The following SLC25A28 variants were observed in gnomAD, a reference collection of about 807,000 sequenced individuals.
The protein encoded by SLC25A28 is solute carrier family 25 member 28, also known as mitoferrin-2.
In SLC25A28, 10 loss-of-function variants were observed where a neutral mutation model predicts 31.9. That is an observed-to-expected ratio of 0.31 (90% CI 0.19 to 0.53). The LOEUF (loss-of-function observed/expected upper bound fraction) is 0.53, where lower values mean the gene tolerates loss of function less well. SLC25A28 is among the 20% of genes least tolerant of loss of function. The pLI is 0.95. For synonymous variants in SLC25A28, 208 were observed against 203.6 expected (o/e 1.02, Z -0.19); for missense variants, 256 against 490.3 (o/e 0.52, Z 4.51).
chr10:99,651,646 A>T, the SLC25A28 span, among the ~76,000 whole-genome samples: 4 of 139,362 alleles, frequency 2.9e-5, no homozygotes, highest in African/African-American at 1.1e-4. Context: ...GCTGGAGTGC[A>T]GTGGCACATT....
the SLC25A28 span, among the ~76,000 whole-genome samples, chr10:99,645,740 G>A: frequency 2.0e-5 from 3 of 151,974 alleles, no homozygotes; most frequent in Admixed American, 6.6e-5. Context: ...TGGGGTTTTG[G>A]TGTGGATGTC....
At chr10:99,639,428 C>T in the SLC25A28 span, among the ~76,000 whole-genome samples, 5 of 151,822 alleles carry the variant, frequency 3.3e-5, no homozygotes, top group Non-Finnish European at 5.9e-5. Context: ...TCACAGATCA[C>T]CACAAAAGAA....
chr10:99,658,171 C>T, the SLC25A28 span, among the ~76,000 whole-genome samples: 2 of 152,286 alleles, frequency 1.3e-5, no homozygotes, highest in East Asian at 1.9e-4. Context: ...TGGATGACAA[C>T]AGAGTGAGAC....
At position 99,620,030 on chromosome 10, in the gene SLC25A28, G is replaced by C; in HGVS notation, c.291+15C>G. On this transcript the variant is annotated intron_variant, in intron 1 of 3. Coordinates refer to ENST00000370495, the MANE Select transcript of SLC25A28 (RefSeq NM_031212.4). ...TCAGCCCCAGGTCGGGTTCGAAGCC[G>C]GGTGCAGGTCTCACCTTGACGCAGT... 6.4e-7 allele frequency: 1 copy of C among 1,565,452 alleles called. No homozygotes were observed. Among genetic ancestry groups the C allele is most frequent in the Non-Finnish European group, 8.6e-7 (1 of 1,162,146 alleles).
At chr10:99,630,262 G>T in the SLC25A28 span, among the ~76,000 whole-genome samples, 1 of 152,018 alleles carries the variant, frequency 6.6e-6, no homozygotes, top group Non-Finnish European at 1.5e-5. Context: ...CTGAGTAGCT[G>T]GGATTAACGA....
At chr10:99,651,608 T>TTTTC in the SLC25A28 span, among the ~76,000 whole-genome samples, 1 of 148,522 alleles carries the variant, frequency 6.7e-6, no homozygotes, top group Admixed American at 6.7e-5. Flanking sequence ...TTTTTTTTTT[T>TTTTC]GAGGTAGGGT....
At position 99,614,008 on chromosome 10, in the gene SLC25A28, G is replaced by A. The variant is rs143249837; in HGVS notation, c.292-84C>T. The A allele has an allele frequency of 6.5e-5, 93 of 1,432,698 alleles. No homozygotes were observed. In the Middle Eastern group the frequency reaches 1.1e-3, roughly 17 times the overall value. 88.7% of individuals were successfully genotyped at this position (1,432,698 alleles called of 1,614,324 possible). A position where few individuals can be genotyped will look rare whatever the true frequency, so the allele number is the denominator to read the frequency against. ...AACACACTGGGCAGACCTTCTACATGGAGCTGTGCCAATCTGTGAGAGGGA... is the reference window on the plus strand; with the variant it reads ...AACACACTGGGCAGACCTTCTACATAGAGCTGTGCCAATCTGTGAGAGGGA... On this transcript the variant is annotated intron_variant, in intron 1 of 3. Coordinates refer to ENST00000370495, the MANE Select transcript of SLC25A28 (RefSeq NM_031212.4).
the SLC25A28 span, among the ~76,000 whole-genome samples, chr10:99,638,819 C>T: frequency 1.3e-5 from 2 of 152,148 alleles, no homozygotes; most frequent in African/African-American, 4.8e-5. Context: ...GATCAGGGAA[C>T]ACTTCTACAC....
At chr10:99,625,948 A>G in the SLC25A28 span, among the ~76,000 whole-genome samples, 7 of 152,248 alleles carry the variant, frequency 4.6e-5, no homozygotes, top group African/African-American at 1.7e-4. Flanking sequence ...GTGCTCAGAC[A>G]TGAGAAAGCT....
At chr10:99,651,846 G>A in the SLC25A28 span, 1 of 151,984 alleles carries the variant, frequency 6.6e-6, no homozygotes, top group Non-Finnish European at 1.5e-5. Context: ...GCCTCCCAAA[G>A]AGCTGAGATT....
the SLC25A28 span, among the ~76,000 whole-genome samples, chr10:99,639,923 T>A: frequency 1.3e-5 from 2 of 152,048 alleles, no homozygotes; most frequent in Non-Finnish European, 2.9e-5. Flanking sequence ...CCCAGCAGTA[T>A]GTTAAGGGAC....
In SLC25A28 at chr10:99,620,357, C is replaced by CCCACCCCCGCCGCCGCTG. The variant is rs2034760359; in HGVS notation, c.-40_-23dup. The stretch of plus-strand genomic sequence containing the variant: ...CCATCCACCCGGGCCAGCTGCGGCG[C>CCCACCCCCGCCGCCGCTG]CCACCCCCGCCGCCGCTGCCACCAC... On this transcript the variant is annotated 5_prime_UTR_variant, in exon 1 of 4. Transcript: ENST00000370495. 1 of 1,077,436 alleles carries CCCACCCCCGCCGCCGCTG rather than the reference C, an allele frequency of 9.3e-7. No individual in the cohort carries two copies. The highest frequency in any genetic ancestry group is 1.1e-6 in the Non-Finnish European group (1 of 891,078). The allele number at this position is 1,077,436 out of a possible 1,614,324, so 66.7% of individuals were successfully genotyped here.
chr10:99,644,872 G>C, the SLC25A28 span, among the ~76,000 whole-genome samples: 1 of 152,176 alleles, frequency 6.6e-6, no homozygotes, highest in Non-Finnish European at 1.5e-5. Context: ...TAAGAATGTT[G>C]AATATTGGCC....
In SLC25A28 at chr10:99,613,664, A is replaced by G. The variant is rs1565019585; in HGVS notation, c.520+32T>C. ...GCAGCAAAGCCCAAAGAGTTGGGAA[A>G]GTGGGGGAACCAGCACAGGAAGGCT... On this transcript the variant is annotated intron_variant, in intron 2 of 3. Coordinates refer to ENST00000370495, the MANE Select transcript of SLC25A28 (RefSeq NM_031212.4). This position sits in a 1 kb window ranked among gnomAD's most constrained non-coding sequence, Gnocchi z 4.9. 2 of 1,614,138 alleles carry G rather than the reference A, an allele frequency of 1.2e-6. No individual in the cohort carries two copies.
At chr10:99,626,862 C>T in the SLC25A28 span, among the ~76,000 whole-genome samples, 2 of 151,838 alleles carry the variant, frequency 1.3e-5, no homozygotes, top group Non-Finnish European at 2.9e-5. Flanking sequence ...ACCGTTAGTC[C>T]TTCTTCCCCA....
chr10:99,622,457 C>T (rs2034813989), upstream of SLC25A28, among the ~76,000 whole-genome samples: 1 of 152,202 alleles, frequency 6.6e-6, no homozygotes, highest in African/African-American at 2.4e-5. Context: ...AGTACTAATT[C>T]CCTTTACTGC....
chr10:99,639,208 AT>A, the SLC25A28 span, among the ~76,000 whole-genome samples: 1 of 152,054 alleles, frequency 6.6e-6, no homozygotes, highest in Non-Finnish European at 1.5e-5. Flanking sequence ...ATTGGAGACC[AT>A]TATTCTAAGT....
chr10:99,611,478 A>G lies in SLC25A28; in HGVS notation c.578-112T>C, dbSNP rs895555847. ...GATCAGCCAATGGAATAGAGAGAGAAAAAAGTATGAGTGAGCTGCTGGCTA... is the reference window on the plus strand; with the variant it reads ...GATCAGCCAATGGAATAGAGAGAGAGAAAAGTATGAGTGAGCTGCTGGCTA... On this transcript the variant is annotated intron_variant, in intron 3 of 3. Coordinates refer to ENST00000370495, the MANE Select transcript of SLC25A28 (RefSeq NM_031212.4). The surrounding 1 kb of genome is among the most constrained non-coding windows in gnomAD (Gnocchi z 5.5). The G allele has an allele frequency of 7.4e-7, 1 of 1,351,624 alleles. No individual in the cohort carries two copies. Among genetic ancestry groups the G allele is most frequent in the Non-Finnish European group, 1.0e-6 (1 of 991,482 alleles). The allele number at this position is 1,351,624 out of a possible 1,614,324, so 83.7% of individuals were successfully genotyped here.
the SLC25A28 span, among the ~76,000 whole-genome samples, chr10:99,657,233 T>C: frequency 6.6e-6 from 1 of 152,320 alleles, no homozygotes; most frequent in Admixed American, 6.5e-5. Flanking sequence ...AACACTAAAG[T>C]TTGAAATATA....
Sources: gnomAD v4.1 joint callset for allele counts (sites outside exome capture counted in the v4.1 genomes callset) on GRCh38, gnomAD v4.1.1 for gene constraint, Gnocchi (gnomAD v3.1) non-coding constraint, MANE v1.5 for transcripts, NCBI Gene and HGNC (gene_info 2026-07-23, HGNC 2026-07-21) for gene names.